Variants in PSMA1 observed in about 807,000 individuals in gnomAD.
PSMA1 encodes the protein proteasome subunit alpha type-1.
In PSMA1, 3 loss-of-function variants were observed where a neutral mutation model predicts 38.4. That is an observed-to-expected ratio of 0.08 (90% CI 0.04 to 0.20). PSMA1 has a LOEUF of 0.20. Ranked by LOEUF, PSMA1 falls within the 10% of genes least tolerant of loss-of-function variation. The probability of loss-of-function intolerance (pLI) is 1.00; values close to 1 mark genes in which losing one functional copy is unlikely to be tolerated. For synonymous variants in PSMA1, 101 were observed against 107.1 expected (o/e 0.94, Z 0.35); for missense variants, 227 against 325.3 (o/e 0.70, Z 2.32).
chr11:14,577,291 A>G (rs988094044), intron 2 of PSMA1, among the ~76,000 whole-genome samples: 1 of 152,206 alleles, frequency 6.6e-6, no homozygotes, highest in African/African-American at 2.4e-5. Flanking sequence ...AGTGGTACAG[A>G]TGAGAAAACA....
At chr11:14,517,285 A>G (rs1851445962) in intron 4 of PSMA1, among the ~76,000 whole-genome samples, 2 of 152,216 alleles carry the variant, frequency 1.3e-5, no homozygotes, top group Admixed American at 6.5e-5. Flanking sequence ...ATACTGATGT[A>G]TTGAAGAAAA....
intron 2 of PSMA1, among the ~76,000 whole-genome samples, chr11:14,543,544 A>T (rs1233215232): frequency 6.6e-6 from 1 of 150,748 alleles, no homozygotes; most frequent in African/African-American, 2.4e-5. Flanking sequence ...TTTTTTTTTT[A>T]AACAATAAGG....
intron 8 of PSMA1, among the ~76,000 whole-genome samples, chr11:14,508,379 C>T (rs1254021754): frequency 6.6e-6 from 1 of 151,968 alleles, no homozygotes; most frequent in African/African-American, 2.4e-5. Flanking sequence ...AAGGCCAACC[C>T]TTCCACCTAT....
chr11:14,639,123 T>C (rs1342261589), intron 1 of PSMA1, among the ~76,000 whole-genome samples: 1 of 152,170 alleles, frequency 6.6e-6, no homozygotes, highest in Non-Finnish European at 1.5e-5. Context: ...CTAGAATATA[T>C]GCTTTCACAG....
At position 14,513,580 on chromosome 11, in the gene PSMA1, T is replaced by C. The variant is rs375682346; in HGVS notation, c.534A>G (p.Glu178=). The change falls in exon 7 of 10, where the codon GAA becomes GAG. Residue 178 remains glutamate, a synonymous_variant. Transcript: ENST00000396394. ...AAGGCTGTCACTTACACTCCATAAA[T>C]TCAGACATATGTCTCTCCAAGTAAG... ...ARTYLERHMS[E]FMECNLNELV... 5.3e-6 allele frequency: 8 copies of C among 1,497,696 alleles called. No individual in the cohort carries two copies. Among genetic ancestry groups the C allele is most frequent in the African/African-American group, 1.5e-5 (1 of 67,132 alleles). The allele number at this position is 1,497,696 out of a possible 1,614,324, so 92.8% of individuals were successfully genotyped here.
intron 1 of PSMA1, among the ~76,000 whole-genome samples, chr11:14,639,655 C>T (rs1273959374): frequency 2.0e-5 from 3 of 152,190 alleles, no homozygotes; most frequent in Non-Finnish European, 2.9e-5. Context: ...AGTAGGGCCA[C>T]ACCATCTCTG....
At chr11:14,588,033 C>A (rs1452659752) in intron 2 of PSMA1, among the ~76,000 whole-genome samples, 1 of 152,148 alleles carries the variant, frequency 6.6e-6, no homozygotes, top group Non-Finnish European at 1.5e-5. Context: ...ACAGCCCTTG[C>A]CTTTAATGTG....
chr11:14,590,378 GT>G (rs544895926), intron 2 of PSMA1, among the ~76,000 whole-genome samples: 2 of 151,904 alleles, frequency 1.3e-5, no homozygotes, highest in East Asian at 1.9e-4. Flanking sequence ...GAAAAACAGG[GT>G]TTTTTTTGTT....
chr11:14,586,542 G>T (rs760706788), intron 2 of PSMA1, among the ~76,000 whole-genome samples: 1 of 152,002 alleles, frequency 6.6e-6, no homozygotes, highest in African/African-American at 2.4e-5. Flanking sequence ...TATATGATAG[G>T]TATTCTATTT....
intron 2 of PSMA1, chr11:14,610,899 G>C: frequency 6.6e-7 from 1 of 1,516,876 alleles, no homozygotes; most frequent in Non-Finnish European, 9.1e-7. Context: ...TGTTTTGTGG[G>C]GGCTCACATA....
At chr11:14,613,114 A>C (rs906843320) in intron 1 of PSMA1, among the ~76,000 whole-genome samples, 2 of 152,118 alleles carry the variant, frequency 1.3e-5, no homozygotes, top group Non-Finnish European at 2.9e-5. Context: ...TTAACAAATA[A>C]AGTCTGTAAT....
At chr11:14,632,804 C>G (rs570839046) in intron 1 of PSMA1, among the ~76,000 whole-genome samples, 15 of 151,958 alleles carry the variant, frequency 9.9e-5, no homozygotes, top group African/African-American at 3.4e-4. Flanking sequence ...TCAGGTACAC[C>G]AATCAGACGT....
At chr11:14,527,766 C>A (rs976609241) in intron 2 of PSMA1, among the ~76,000 whole-genome samples, 3 of 152,120 alleles carry the variant, frequency 2.0e-5, no homozygotes, top group Non-Finnish European at 2.9e-5. Flanking sequence ...CTCAGTTTGG[C>A]CTTCCCACCT....
chr11:14,635,461 C>T (rs917833361), intron 1 of PSMA1, among the ~76,000 whole-genome samples: 4 of 152,172 alleles, frequency 2.6e-5, no homozygotes, highest in Admixed American at 1.3e-4. Context: ...AGAACTGGAG[C>T]GCTGCAGTTA....
chr11:14,636,853 A>T (rs1853118351), intron 1 of PSMA1, among the ~76,000 whole-genome samples: 1 of 152,200 alleles, frequency 6.6e-6, no homozygotes, highest in Non-Finnish European at 1.5e-5. Context: ...TAATTCAATT[A>T]ATTCTTCCTT....
At chr11:14,527,472 TCCAA>T (rs936342594) in intron 2 of PSMA1, among the ~76,000 whole-genome samples, 28 of 152,176 alleles carry the variant, frequency 1.8e-4, no homozygotes, top group Non-Finnish European at 4.4e-5. Flanking sequence ...TCATTTCCTT[TCCAA>T]CATGGAAATC....
chr11:14,639,062 C>A (rs996044297), intron 1 of PSMA1, among the ~76,000 whole-genome samples: 1 of 152,006 alleles, frequency 6.6e-6, no homozygotes, highest in Non-Finnish European at 1.5e-5. Flanking sequence ...GTCAGAGATA[C>A]AATTGTTGCT....
intron 2 of PSMA1, among the ~76,000 whole-genome samples, chr11:14,542,711 C>T (rs1482932850): frequency 6.6e-6 from 1 of 152,176 alleles, no homozygotes; most frequent in Non-Finnish European, 1.5e-5. Context: ...TCAATCCTAC[C>T]TATTAAATTT....
At chr11:14,595,898 C>T (rs1249053645) in intron 2 of PSMA1, among the ~76,000 whole-genome samples, 1 of 152,182 alleles carries the variant, frequency 6.6e-6, no homozygotes, top group African/African-American at 2.4e-5. Context: ...AGTCTTTAAT[C>T]CATCTTGAAT....
Sources: gnomAD v4.1 joint callset for allele counts (sites outside exome capture counted in the v4.1 genomes callset) on GRCh38, gnomAD v4.1.1 for gene constraint, MANE v1.5 for transcripts, NCBI Gene and HGNC (gene_info 2026-07-23, HGNC 2026-07-21) for gene names.